FGF14: variants seen among roughly 807,000 people sequenced by gnomAD.
The protein encoded by FGF14 is fibroblast growth factor 14.
FGF14 carries 5 observed loss-of-function variants against 25.5 expected under a neutral mutation model. The ratio of observed to expected loss-of-function variants is 0.20; its 90% CI spans 0.10 to 0.41. The LOEUF is 0.41. Ranked by LOEUF, FGF14 falls within the 10% of genes least tolerant of loss-of-function variation. FGF14 has a pLI of 1.00. For missense variants in FGF14, 222 were observed against 320.1 expected, an observed-to-expected ratio of 0.69 and a Z score of 2.34; for synonymous variants, 138 against 118.3, an observed-to-expected ratio of 1.17 and a Z score of -1.08.
chr13:102,378,999 C>G (rs1052077752), intron 1 of FGF14, among the ~76,000 whole-genome samples: 9 of 152,028 alleles, frequency 5.9e-5, no homozygotes, highest in Non-Finnish European at 1.2e-4. Context: ...AGGAGTTGTA[C>G]CAAAAGCTCT....
At chr13:102,059,622 G>A (rs192624058) in intron 1 of FGF14, among the ~76,000 whole-genome samples, 6 of 152,140 alleles carry the variant, frequency 3.9e-5, no homozygotes, top group South Asian at 2.1e-4. Flanking sequence ...AGGCCGAGGC[G>A]GGTGGATCAC....
chr13:102,293,952 A>G (rs767968423), intron 1 of FGF14: 1 of 152,212 alleles, frequency 6.6e-6, no homozygotes, highest in Non-Finnish European at 1.5e-5. Flanking sequence ...TTGAGTGCAC[A>G]GAGGGGGAAA....
chr13:102,076,946 A>G (rs898880770), intron 1 of FGF14, among the ~76,000 whole-genome samples: 1 of 152,178 alleles, frequency 6.6e-6, no homozygotes, highest in South Asian at 2.1e-4. Context: ...ACATACATCA[A>G]TGGAACAGAA....
intron 1 of FGF14, among the ~76,000 whole-genome samples, chr13:102,388,296 T>C (rs1222381473): frequency 6.6e-6 from 1 of 152,308 alleles, no homozygotes. Flanking sequence ...CCAAATTGCA[T>C]AAGAAAATTA....
chr13:101,932,062 A>G (rs1445409904), intron 1 of FGF14, among the ~76,000 whole-genome samples: 2 of 152,182 alleles, frequency 1.3e-5, no homozygotes, highest in Non-Finnish European at 2.9e-5. Context: ...AATTAAGGCA[A>G]TATCTTTTCA....
At chr13:101,918,192 C>T (rs1291027217), upstream of FGF14, among the ~76,000 whole-genome samples, 1 of 152,076 alleles carries the variant, frequency 6.6e-6, no homozygotes, top group Non-Finnish European at 1.5e-5. Flanking sequence ...CAGTGGAGGG[C>T]ACCCGAAAAA....
chr13:102,281,990 A>G (rs2053858977), intron 1 of FGF14, among the ~76,000 whole-genome samples: 1 of 151,796 alleles, frequency 6.6e-6, no homozygotes, highest in Non-Finnish European at 1.5e-5. Context: ...TTCTTCTACC[A>G]TCTTAGGCCC....
At chr13:102,123,839 C>T (rs920765792) in intron 1 of FGF14, among the ~76,000 whole-genome samples, 12 of 152,158 alleles carry the variant, frequency 7.9e-5, no homozygotes, top group Middle Eastern at 3.4e-3. Context: ...TAGTCATTTA[C>T]GTGAATTAAA....
chr13:102,049,861 C>T (rs1420100392), intron 1 of FGF14, among the ~76,000 whole-genome samples: 1 of 152,126 alleles, frequency 6.6e-6, no homozygotes, highest in African/African-American at 2.4e-5. Flanking sequence ...CAACCAGAAT[C>T]TAGGGGAGAG....
rs572845593 is a variant in FGF14, at chr13:101,859,161, A to T, written c.408+9564T>A. Among the ~76,000 whole-genome samples, 3 of 152,288 alleles carry T rather than the reference A, an allele frequency of 2.0e-5. No individual in the cohort carries two copies. The East Asian group carries it at 5.8e-4, about 29-fold the overall frequency. On this transcript the variant is annotated intron_variant, in intron 3 of 4. Coordinates refer to ENST00000376143, the MANE Select transcript of FGF14 (RefSeq NM_004115.4). ...GATGTGCACAGTACATTTCATGAAC[A>T]TGAAGCCACTCGAGGAATAAATTAA...
chr13:101,970,127 T>C (rs376823815), intron 1 of FGF14, among the ~76,000 whole-genome samples: 2 of 152,326 alleles, frequency 1.3e-5, no homozygotes. Context: ...ATGTCATATT[T>C]TGAAGATGAG....
At chr13:102,095,423 G>C (rs2044349786) in intron 1 of FGF14, among the ~76,000 whole-genome samples, 1 of 152,150 alleles carries the variant, frequency 6.6e-6, no homozygotes, top group Non-Finnish European at 1.5e-5. Context: ...CTATGAGACA[G>C]GAGGCCCATG....
At chr13:102,208,348 T>C (rs578099062) in intron 1 of FGF14, among the ~76,000 whole-genome samples, 1 of 152,318 alleles carries the variant, frequency 6.6e-6, no homozygotes, top group East Asian at 1.9e-4. Context: ...TGTTGCTATT[T>C]TATTTTCTAA....
chr13:102,238,575 T>C (rs1000297355), intron 1 of FGF14, among the ~76,000 whole-genome samples: 9 of 152,218 alleles, frequency 5.9e-5, no homozygotes, highest in Non-Finnish European at 1.2e-4. Context: ...TTTATAATAA[T>C]GTACATATTT....
At chr13:102,161,697 G>C (rs866800750) in intron 1 of FGF14, among the ~76,000 whole-genome samples, 1 of 117,390 alleles carries the variant, frequency 8.5e-6, no homozygotes, top group Admixed American at 9.0e-5. Context: ...AGAAGAAGAA[G>C]AAGAAGAAGA....
chr13:102,128,857 C>T (rs528947904), intron 1 of FGF14, among the ~76,000 whole-genome samples: 21 of 152,142 alleles, frequency 1.4e-4, no homozygotes, highest in Non-Finnish European at 2.5e-4. Flanking sequence ...CTAAGGCAGG[C>T]GGATCACTTG....
intron 1 of FGF14, among the ~76,000 whole-genome samples, chr13:102,138,929 T>C (rs1413968435): frequency 1.3e-5 from 2 of 152,250 alleles, no homozygotes; most frequent in Non-Finnish European, 2.9e-5. Context: ...TATGATCAAA[T>C]GTAAAAGCTA....
chr13:102,311,305 G>A (rs376887635), intron 1 of FGF14, among the ~76,000 whole-genome samples: 10 of 152,274 alleles, frequency 6.6e-5, no homozygotes, highest in African/African-American at 2.2e-4. Context: ...CTGGGGAGTT[G>A]AGCTTTATGA....
intron 1 of FGF14, among the ~76,000 whole-genome samples, chr13:102,103,471 T>TTG (rs751714726): frequency 1.3e-5 from 2 of 151,706 alleles, no homozygotes; most frequent in African/African-American, 2.4e-5. Context: ...CCCCTGATTT[T>TTG]TTTTGTCTAA....
Sources: gnomAD v4.1 joint callset for allele counts (sites outside exome capture counted in the v4.1 genomes callset) on GRCh38, gnomAD v4.1.1 for gene constraint, MANE v1.5 for transcripts, NCBI Gene and HGNC (gene_info 2026-07-23, HGNC 2026-07-21) for gene names.